PLCL2: variants seen among roughly 807,000 people sequenced by gnomAD.
The protein encoded by PLCL2 is inactive phospholipase C-like protein 2.
In PLCL2, 4 loss-of-function variants were observed where a neutral mutation model predicts 79.6. The ratio of observed to expected loss-of-function variants is 0.05; its 90% CI spans 0.02 to 0.11. PLCL2 has a LOEUF of 0.11. Among genes scored for constraint, PLCL2 ranks in the 10% least tolerant of loss-of-function variants. The pLI is 1.00. For missense variants in PLCL2, 895 were observed against 1,291.0 expected, an observed-to-expected ratio of 0.69 and a Z score of 4.70; for synonymous variants, 484 against 457.7, an observed-to-expected ratio of 1.06 and a Z score of -0.73.
At position 17,021,632 on chromosome 3, in the gene PLCL2, C is replaced by A. The variant is rs966575069; in HGVS notation, c.3018+6721C>A. On this transcript the variant is annotated intron_variant, in intron 3 of 5. Transcript: ENST00000615277. ...CACACACACACACACACACACACAC[C>A]CCAGATACTAAGCAAGGAACAGTTG... Among the ~76,000 whole-genome samples, 8 of 134,336 alleles carry A rather than the reference C, an allele frequency of 6.0e-5. No individual in the cohort carries two copies. The East Asian group carries it at 1.4e-3, about 24-fold the overall frequency. 88.1% of individuals were successfully genotyped at this position (134,336 alleles called of 152,430 possible).
intron 4 of PLCL2, among the ~76,000 whole-genome samples, chr3:17,057,408 G>C (rs556044432): frequency 1.3e-5 from 2 of 152,110 alleles, no homozygotes; most frequent in Non-Finnish European, 2.9e-5. Flanking sequence ...TCAGTGATTG[G>C]TTCTGTCTCC....
Position 17,009,008 on chromosome 3 carries a change from G to A in PLCL2, c.328-666G>A, listed in dbSNP as rs975761731. ...AATTAATTTTTTTTTTTTTTGAGAC[G>A]GATTCTCACTCTGTTGCCCAGGCTG... is the stretch of plus-strand genomic sequence containing the variant. On this transcript the variant is annotated intron_variant, in intron 1 of 5. Coordinates refer to ENST00000615277, the MANE Select transcript of PLCL2 (RefSeq NM_001144382.2). This position sits in a 1 kb window ranked among gnomAD's most constrained non-coding sequence, Gnocchi z 4.0. Among the ~76,000 whole-genome samples, 3 of 150,156 alleles carry A rather than the reference G, an allele frequency of 2.0e-5. No individual in the cohort carries two copies. Among genetic ancestry groups the A allele is most frequent in the African/African-American group, 4.9e-5 (2 of 40,740 alleles).
At chr3:17,085,889 TA>T (rs887511425) in intron 5 of PLCL2, among the ~76,000 whole-genome samples, 4 of 152,208 alleles carry the variant, frequency 2.6e-5, no homozygotes, top group Non-Finnish European at 5.9e-5. Flanking sequence ...AGGAAAACTA[TA>T]AAACTCTGGT....
chr3:17,057,304 C>T (rs2064901386), intron 4 of PLCL2, among the ~76,000 whole-genome samples: 4 of 152,088 alleles, frequency 2.6e-5, no homozygotes, highest in Admixed American at 2.6e-4. Context: ...TGATAAAGCC[C>T]TTGTCTCAAG....
chr3:17,009,653 A>G lies in PLCL2; in HGVS notation c.328-21A>G. On this transcript the variant is annotated intron_variant, in intron 1 of 5. Coordinates refer to ENST00000615277, the MANE Select transcript of PLCL2 (RefSeq NM_001144382.2). The surrounding 1 kb of genome is among the most constrained non-coding windows in gnomAD (Gnocchi z 4.0). ...ACCTATATTTATGTTATTCTAATATACGGTCTTTTTTTCCTCTCAGGATGG... is the reference window on the plus strand; with the variant it reads ...ACCTATATTTATGTTATTCTAATATGCGGTCTTTTTTTCCTCTCAGGATGG... 1.6e-6 allele frequency: 2 copies of G among 1,287,616 alleles called. No individual in the cohort carries two copies. Among genetic ancestry groups the G allele is most frequent in the South Asian group, 2.7e-5 (2 of 72,776 alleles). The allele number at this position is 1,287,616 out of a possible 1,614,324, so 79.8% of individuals were successfully genotyped here.
chr3:17,068,142 T>G, intron 5 of PLCL2, 77 bp downstream of exon 5: 1 of 786,354 alleles, frequency 1.3e-6, no homozygotes, highest in Non-Finnish European at 2.2e-6. Flanking sequence ...GTATAACATT[T>G]CCTGCATTGT....
At chr3:16,901,201 A>G (rs761444128) in intron 1 of PLCL2, among the ~76,000 whole-genome samples, 8 of 152,262 alleles carry the variant, frequency 5.3e-5, no homozygotes, top group African/African-American at 1.2e-4. Context: ...ATAAAGCAAC[A>G]GTATCTCCCC....
At position 16,994,004 on chromosome 3, in the gene PLCL2, T is replaced by C. The variant is rs140176675; in HGVS notation, c.328-15670T>C. Among the ~76,000 whole-genome samples, 610 of 152,338 alleles carry C rather than the reference T, an allele frequency of 4.0e-3. 1 individual carries two copies. Among genetic ancestry groups the C allele is most frequent in the African/African-American group, 0.013 (556 of 41,586 alleles). On this transcript the variant is annotated intron_variant, in intron 1 of 5. Transcript: ENST00000615277. ...ATTGTACATTTACCCCTGGTAATTT[T>C]CTCTCAGTAGATGGGACTTAACAGC...
At chr3:16,892,851 G>A (rs1326333718) in intron 1 of PLCL2, among the ~76,000 whole-genome samples, 1 of 152,090 alleles carries the variant, frequency 6.6e-6, no homozygotes, top group African/African-American at 2.4e-5. Flanking sequence ...TCCAAGCAAG[G>A]TTAGAGAGGC....
In PLCL2 at chr3:17,089,877, A is replaced by T; in HGVS notation, c.3349A>T (p.Ile1117Leu). Residue 1117 changes from isoleucine to leucine, a missense_variant, in exon 6 of 6, where the codon ATA (isoleucine) becomes TTA (leucine). Ile to Leu is a conservative substitution (Grantham distance 5). Around this residue, in one of 6 missense-constraint regions of PLCL2, gnomAD observed 298 missense variants for 459.6 expected, o/e 0.65. Coordinates refer to ENST00000615277, the MANE Select transcript of PLCL2 (RefSeq NM_001144382.2). ...GAAGCCACGCCGGAGCTTGGAAGTC[A>T]TACCCGAAAAAGCAAACGATGAAAC... ...VQKPRRSLEV[I>L]PEKANDETGE 1.2e-6 allele frequency: 2 copies of T among 1,613,500 alleles called. No homozygotes were observed. The highest frequency in any genetic ancestry group is 1.7e-6 in the Non-Finnish European group (2 of 1,179,854).
chr3:16,924,347 A>G (rs947444603), intron 1 of PLCL2, among the ~76,000 whole-genome samples: 9 of 152,234 alleles, frequency 5.9e-5, no homozygotes, highest in South Asian at 4.1e-4. Flanking sequence ...TCTTTATCAT[A>G]TATGTCCATT....
At chr3:17,042,785 G>A in intron 3 of PLCL2, 89 bp from the exon 4 acceptor site, 1 of 868,156 alleles carries the variant, frequency 1.2e-6, no homozygotes, top group Non-Finnish European at 1.9e-6. Flanking sequence ...CATCACATCA[G>A]CCTGTTTTAG....
chr3:17,084,865 A>C (rs1361279807), intron 5 of PLCL2, among the ~76,000 whole-genome samples: 1 of 152,238 alleles, frequency 6.6e-6, no homozygotes, highest in Non-Finnish European at 1.5e-5. Context: ...AAGATTAGGG[A>C]CAAAGCAAAG....
At chr3:16,941,011 T>G (rs1697667814) in intron 1 of PLCL2, among the ~76,000 whole-genome samples, 1 of 152,206 alleles carries the variant, frequency 6.6e-6, no homozygotes, top group Non-Finnish European at 1.5e-5. Context: ...TCCACCTCTG[T>G]ACTCTGTAGG....
At chr3:17,026,930 T>C (rs2064523492) in intron 3 of PLCL2, among the ~76,000 whole-genome samples, 1 of 152,050 alleles carries the variant, frequency 6.6e-6, no homozygotes, top group Admixed American at 6.6e-5. Context: ...ACAAAATAAA[T>C]TCTATCTTTG....
chr3:16,939,254 G>C (rs1207959189), intron 1 of PLCL2, among the ~76,000 whole-genome samples: 1 of 152,172 alleles, frequency 6.6e-6, no homozygotes, highest in Non-Finnish European at 1.5e-5. Flanking sequence ...TAGTCTTCTA[G>C]AGTTTAATAG....
chr3:16,885,239 A>G lies in PLCL2; in HGVS notation c.200A>G (p.Glu67Gly). The G allele has an allele frequency of 1.5e-6, 1 of 665,724 alleles. No individual in the cohort carries two copies. The highest frequency in any genetic ancestry group is 2.7e-6 in the Non-Finnish European group (1 of 368,016). The allele number at this position is 665,724 out of a possible 1,614,324, so 41.2% of individuals were successfully genotyped here. A position where few individuals can be genotyped will look rare whatever the true frequency, so the allele number is the denominator to read the frequency against. The change falls in exon 1 of 6, where the codon GAA (glutamate) becomes GGA (glycine). Residue 67 changes from glutamate to glycine, a missense_variant. Physicochemically the swap from Glu to Gly is moderately conservative, Grantham distance 98. Around this residue, in one of 6 missense-constraint regions of PLCL2, gnomAD observed 110 missense variants for 42.9 expected, o/e 2.56. Coordinates refer to ENST00000615277, the MANE Select transcript of PLCL2 (RefSeq NM_001144382.2). ...TGCAGCCTCGGCGTGTCCGGGGACG[A>G]AGCCCGGGCTAGCCCTACCAGGGGA... ...GDCSLGVSGD[E>G]ARASPTRGPR... is the part of the protein sequence containing the mutation.
rs376310092 is a variant in PLCL2 at position 17,083,146 on chromosome 3, T to C, written c.3205-6587T>C. On this transcript the variant is annotated intron_variant, in intron 5 of 5. Transcript: ENST00000615277. The stretch of plus-strand genomic sequence containing the variant: ...CAGTAGAGTATGGCAATAGGTGTTA[T>C]GGAAAAAGCAAGGCAGGGAAGCAGT... 3.9e-5 allele frequency among the ~76,000 whole-genome samples: 6 copies of C among 152,022 alleles called. 1 individual carries two copies. The highest frequency in any genetic ancestry group is 1.9e-4 in the East Asian group (1 of 5,168).
intron 1 of PLCL2, among the ~76,000 whole-genome samples, chr3:16,987,034 G>C (rs1403365229): frequency 1.3e-5 from 2 of 151,438 alleles, no homozygotes; most frequent in African/African-American, 4.8e-5. Flanking sequence ...GGGTCTGGGT[G>C]CCAGACCCCA....
Sources: gnomAD v4.1 joint callset for allele counts (sites outside exome capture counted in the v4.1 genomes callset) on GRCh38, gnomAD v4.1.1 for gene constraint, gnomAD v4.1.1 regional missense constraint, Gnocchi (gnomAD v3.1) non-coding constraint, MANE v1.5 for transcripts, NCBI Gene and HGNC (gene_info 2026-07-23, HGNC 2026-07-21) for gene names.